The following DSC2 variants were observed in gnomAD, a reference collection of about 807,000 sequenced individuals.
The protein encoded by DSC2 is desmocollin-2.
Under a neutral mutation model 87.6 loss-of-function variants are expected in DSC2, and 51 were observed. The observed-to-expected ratio is 0.58, with a 90% CI of 0.46 to 0.74. The LOEUF (loss-of-function observed/expected upper bound fraction) is 0.74, where lower values mean the gene tolerates loss of function less well. Ranked by LOEUF, DSC2 falls within the 30% of genes least tolerant of loss-of-function variation. DSC2 has a pLI of 0.00. For synonymous variants in DSC2, 383 were observed against 393.2 expected (o/e 0.97, Z 0.31); for missense variants, 1,066 against 1,089.5 (o/e 0.98, Z 0.30).
At chr18:31,072,199 T>C (rs998478500) in intron 12 of DSC2, among the ~76,000 whole-genome samples, 5 of 152,240 alleles carry the variant, frequency 3.3e-5, no homozygotes, top group African/African-American at 1.2e-4. Context: ...TGAGTGTACA[T>C]TTTCTTTTAC....
At chr18:31,083,337 G>A (rs561450063) in intron 7 of DSC2, among the ~76,000 whole-genome samples, 1 of 90,054 alleles carries the variant, frequency 1.1e-5, no homozygotes, top group African/African-American at 3.5e-5. Context: ...GGGTTCAAGC[G>A]AGGCAGGAGA....
At chr18:31,082,590 C>T (rs1242496298) in intron 8 of DSC2, among the ~76,000 whole-genome samples, 167 bp from the exon 9 acceptor site, 1 of 152,174 alleles carries the variant, frequency 6.6e-6, no homozygotes. Context: ...CATTTGAAAT[C>T]ATGAGGGGTG....
Position 31,080,489 on chromosome 18 carries a change from C to G in DSC2, c.1264-137G>C, listed in dbSNP as rs528899180. The G allele has an allele frequency of 6.6e-6, 7 of 1,060,672 alleles. No individual in the cohort carries two copies. The East Asian group carries it at 1.6e-4, about 24-fold the overall frequency. The allele number at this position is 1,060,672 out of a possible 1,614,324, so 65.7% of individuals were successfully genotyped here. A position where few individuals can be genotyped will look rare whatever the true frequency, so the allele number is the denominator to read the frequency against. ...AACCACGAGAATATGAAACATATAT[C>G]CAGTGATATGGTTTGGCTCTGTGTC... On this transcript the variant is annotated intron_variant, in intron 9 of 15. Transcript: ENST00000280904.
chr18:31,101,994 C>G lies in DSC2; in HGVS notation c.-23G>C. On this transcript the variant is annotated 5_prime_UTR_variant, in exon 1 of 16. Coordinates refer to ENST00000280904, the MANE Select transcript of DSC2 (RefSeq NM_024422.6). ...CATGGAGAGGGCTCGGGGCAGGTCG[C>G]GGGCCGAGCGTCGGGCCGGGGTAGG... 1.3e-6 allele frequency: 2 copies of G among 1,487,308 alleles called. No homozygotes were observed. Among genetic ancestry groups the G allele is most frequent in the Non-Finnish European group, 1.8e-6 (2 of 1,122,534 alleles). 92.1% of individuals were successfully genotyped at this position (1,487,308 alleles called of 1,614,324 possible). A position where few individuals can be genotyped will look rare whatever the true frequency, so the allele number is the denominator to read the frequency against.
intron 12 of DSC2, among the ~76,000 whole-genome samples, chr18:31,072,147 G>T (rs577243472): frequency 6.6e-6 from 1 of 152,184 alleles, no homozygotes; most frequent in African/African-American, 2.4e-5. Flanking sequence ...CTTGTTAATA[G>T]ATTAGTTTTT....
intron 11 of DSC2, among the ~76,000 whole-genome samples, chr18:31,076,936 G>C (rs891196678): frequency 6.6e-6 from 1 of 152,210 alleles, no homozygotes; most frequent in African/African-American, 2.4e-5. Context: ...TAGCTGCACA[G>C]TGCCATGGGA....
In DSC2 at chr18:31,069,523, TC is replaced by T. The variant is rs566854843; in HGVS notation, c.2251-373del. Among the ~76,000 whole-genome samples the T allele has an allele frequency of 2.1e-3, 327 of 152,160 alleles. 2 individuals carry two copies. The highest frequency in any genetic ancestry group is 7.5e-3 in the African/African-American group (311 of 41,510). On this transcript the variant is annotated intron_variant, in intron 14 of 15. Transcript: ENST00000280904. Reference sequence around the variant, plus strand: ...TGAAATGAGGAATTCAAGACCAGCCTCGCCAACATGGTGGAACTCCGTCTCT... The same window carrying T: ...TGAAATGAGGAATTCAAGACCAGCCTGCCAACATGGTGGAACTCCGTCTCT...
In DSC2 at chr18:31,079,929, G is replaced by C. The variant is rs750329563; in HGVS notation, c.1581C>G (p.Ile527Met). 7 of 1,613,896 alleles carry C rather than the reference G, an allele frequency of 4.3e-6. No individual in the cohort carries two copies. The highest frequency in any genetic ancestry group is 4.5e-5 in the East Asian group (2 of 44,840). The change falls in exon 11 of 16, where the codon ATC (isoleucine) becomes ATG (methionine). Residue 527 changes from isoleucine (I) to methionine (M), a missense_variant. Transcript: ENST00000280904. ...CTCTATCCAGGCTTCTGAAAACTTT[G>C]ATTGATCCTGTATTTTCATCAATGG... The part of the protein sequence containing the change: ...WVTIDENTGS[I>M]KVFRSLDREA...
chr18:31,074,395 G>C (rs1410386535), intron 12 of DSC2, among the ~76,000 whole-genome samples: 3 of 150,686 alleles, frequency 2.0e-5, no homozygotes, highest in African/African-American at 7.3e-5. Context: ...CCAAGTCTAA[G>C]AGAGAGAAAG....
rs1008697732 is a variant in DSC2 at position 31,065,055 on chromosome 18, T to C, written c.*2960A>G. ...CCAGCCATTTCTTCGGGAAACTCTTTATGATTTTGCCTCCTCGAGAATTTT... is the reference window on the plus strand; with the variant it reads ...CCAGCCATTTCTTCGGGAAACTCTTCATGATTTTGCCTCCTCGAGAATTTT... On this transcript the variant is annotated 3_prime_UTR_variant, in exon 16 of 16. Coordinates refer to ENST00000280904, the MANE Select transcript of DSC2 (RefSeq NM_024422.6). 2.0e-5 allele frequency: 3 copies of C among 152,238 alleles called. No homozygotes were observed. Among genetic ancestry groups the C allele is most frequent in the African/African-American group, 7.2e-5 (3 of 41,456 alleles). The allele number at this position is 152,238 out of a possible 1,614,324, so 9.4% of individuals were successfully genotyped here.
intron 5 of DSC2, 36 bp from the exon 6 acceptor site, chr18:31,087,849 T>C (rs547814731): frequency 6.2e-7 from 1 of 1,609,614 alleles, no homozygotes; most frequent in African/African-American, 1.3e-5. Context: ...AAAGTGAAAA[T>C]AATCTTTTAA....
chr18:31,094,258 C>T (rs1012767723), intron 1 of DSC2, among the ~76,000 whole-genome samples: 2 of 152,044 alleles, frequency 1.3e-5, no homozygotes, highest in African/African-American at 4.8e-5. Context: ...CAATAATATC[C>T]TAAACAAAAA....
Position 31,070,817 on chromosome 18 carries a change from C to T in DSC2, c.2159G>A (p.Gly720Glu). 1 of 1,613,742 alleles carries T rather than the reference C, an allele frequency of 6.2e-7. No homozygotes were observed. The change falls in exon 14 of 16, where the codon GGG (glycine) becomes GAG (glutamate). Residue 720 changes from glycine (G) to glutamate (E), a missense_variant. By Grantham distance (98) the Gly-to-Glu change is moderately conservative. Transcript: ENST00000280904. ...ILFTLVCGASGTSKQPKVIPD... is the reference protein window; with the variant it reads ...ILFTLVCGASETSKQPKVIPD... ...AATTACTTTTGGTTGTTTAGACGTC[C>T]CAGAAGCCCCACAGACCAGCGTAAA...
At chr18:31,077,027 C>T (rs1567975523) in intron 11 of DSC2, among the ~76,000 whole-genome samples, 1 of 151,644 alleles carries the variant, frequency 6.6e-6, no homozygotes, top group Non-Finnish European at 1.5e-5. Context: ...TTTTTCAGAA[C>T]AACAAAACTG....
At position 31,065,528 on chromosome 18, in the gene DSC2, C is replaced by T. The variant is rs1039300101; in HGVS notation, c.*2487G>A. 2.6e-5 allele frequency: 4 copies of T among 152,040 alleles called. No homozygotes were observed. The highest frequency in any genetic ancestry group is 7.2e-5 in the African/African-American group (3 of 41,406). 9.4% of individuals were successfully genotyped at this position (152,040 alleles called of 1,614,324 possible). A position where few individuals can be genotyped will look rare whatever the true frequency, so the allele number is the denominator to read the frequency against. ...ATCCCACAGCTAGTAAGGATAGAGC[C>T]GGAATTTGCATCAAGACACTCTTAC... is the stretch of plus-strand genomic sequence containing the variant. On this transcript the variant is annotated 3_prime_UTR_variant, in exon 16 of 16. Transcript: ENST00000280904.
chr18:31,069,809 A>C (rs961198782), intron 14 of DSC2, among the ~76,000 whole-genome samples: 3 of 152,050 alleles, frequency 2.0e-5, no homozygotes, highest in Non-Finnish European at 2.9e-5. Flanking sequence ...CTGTTGTCTC[A>C]CATATACTTA....
Position 31,061,750 on chromosome 18 carries a change from T to C in DSC2, c.*6265A>G, listed in dbSNP as rs1270866406. 8 of 152,208 alleles carry C rather than the reference T, an allele frequency of 5.3e-5. No homozygotes were observed. In the East Asian group the frequency reaches 1.5e-3, roughly 29 times the overall value. The allele number at this position is 152,208 out of a possible 1,614,324, so 9.4% of individuals were successfully genotyped here. ...GCAGCCTCATAATGTATCTATTTGCTTAATTTAAAACATTTAAGCAAAAGT... is the reference window on the plus strand; with the variant it reads ...GCAGCCTCATAATGTATCTATTTGCCTAATTTAAAACATTTAAGCAAAAGT... On this transcript the variant is annotated 3_prime_UTR_variant, in exon 16 of 16. Coordinates refer to ENST00000280904, the MANE Select transcript of DSC2 (RefSeq NM_024422.6).
intron 11 of DSC2, among the ~76,000 whole-genome samples, chr18:31,079,016 G>T (rs899538988): frequency 1.3e-5 from 2 of 152,004 alleles, no homozygotes; most frequent in Admixed American, 1.3e-4. Context: ...TATTTACCAT[G>T]ATCATAAATA....
chr18:31,100,049 TTAA>T lies in DSC2; in HGVS notation c.69+1851_69+1853del, dbSNP rs1164082622. On this transcript the variant is annotated intron_variant, in intron 1 of 15. Coordinates refer to ENST00000280904, the MANE Select transcript of DSC2 (RefSeq NM_024422.6). ...CATGCCCAGCTACAATCATTCTTACTTAATAATTTCTTACACTTAGTATTTACG... is the reference window on the plus strand; with the variant it reads ...CATGCCCAGCTACAATCATTCTTACTTAATTTCTTACACTTAGTATTTACG... 2.6e-5 allele frequency among the ~76,000 whole-genome samples: 4 copies of T among 152,196 alleles called. No individual in the cohort carries two copies. In the East Asian group the frequency reaches 7.7e-4, roughly 29 times the overall value.
Sources: gnomAD v4.1 joint callset for allele counts (sites outside exome capture counted in the v4.1 genomes callset) on GRCh38, gnomAD v4.1.1 for gene constraint, MANE v1.5 for transcripts, NCBI Gene and HGNC (gene_info 2026-07-23, HGNC 2026-07-21) for gene names.